XKR9: variants seen among roughly 807,000 people sequenced by gnomAD.
XKR9 encodes XK-related protein 9.
Under a neutral mutation model 32.0 loss-of-function variants are expected in XKR9, and 32 were observed. The observed-to-expected ratio is 1.00, with a 90% CI of 0.76 to 1.34. The LOEUF (loss-of-function observed/expected upper bound fraction) is 1.34, where lower values mean the gene tolerates loss of function less well. XKR9 is among the 40% of genes most tolerant of loss of function. XKR9 has a pLI of 0.00. For synonymous variants in XKR9, 168 were observed against 143.4 expected, an observed-to-expected ratio of 1.17 and a Z score of -1.22; for missense variants, 546 against 429.7, an observed-to-expected ratio of 1.27 and a Z score of -2.39.
At position 70,735,147 on chromosome 8, in the gene XKR9, T is replaced by G. The variant is rs1806823156; in HGVS notation, c.*723T>G. 6.6e-6 allele frequency: 1 copy of G among 152,052 alleles called. No individual in the cohort carries two copies. Among genetic ancestry groups the G allele is most frequent in the Non-Finnish European group, 1.5e-5 (1 of 68,014 alleles). 9.4% of individuals were successfully genotyped at this position (152,052 alleles called of 1,614,324 possible). A position where few individuals can be genotyped will look rare whatever the true frequency, so the allele number is the denominator to read the frequency against. On this transcript the variant is annotated 3_prime_UTR_variant, in exon 5 of 5. Coordinates refer to ENST00000408926, the MANE Select transcript of XKR9 (RefSeq NM_001011720.2). ...ATAAAATTTACCATCTTAATCACTT[T>G]GAGTGTACAGTTCATCAGTGTTAAC...
the XKR9 span, among the ~76,000 whole-genome samples, chr8:71,021,958 T>C: frequency 7.9e-5 from 12 of 152,240 alleles, no homozygotes; most frequent in Non-Finnish European, 1.5e-4. Flanking sequence ...AGGATTCTTA[T>C]AGTTTGAGGT....
At chr8:71,011,319 A>G in the XKR9 span, among the ~76,000 whole-genome samples, 5 of 152,208 alleles carry the variant, frequency 3.3e-5, no homozygotes, top group African/African-American at 1.2e-4. Flanking sequence ...AACTGACGCT[A>G]TTCCATGGTT....
the XKR9 span, among the ~76,000 whole-genome samples, chr8:70,827,993 T>G: frequency 6.6e-6 from 1 of 152,188 alleles, no homozygotes; most frequent in Non-Finnish European, 1.5e-5. Flanking sequence ...ATAAAACCAC[T>G]TTGGGCTTTT....
At chr8:70,770,785 G>T (rs1807443541) in intron 2 of XKR9, among the ~76,000 whole-genome samples, 1 of 152,164 alleles carries the variant, frequency 6.6e-6, no homozygotes, top group African/African-American at 2.4e-5. Context: ...GAGTGTCCCA[G>T]GTGGACTTCA....
Position 70,734,994 on chromosome 8 carries a change from T to C in XKR9, c.*570T>C, listed in dbSNP as rs1806817617. ...GGTCTGACATTTCATTATTTACTTA[T>C]TTCCTAGCTTTTCTGAATTAATGCA... is the stretch of plus-strand genomic sequence containing the variant. On this transcript the variant is annotated 3_prime_UTR_variant, in exon 5 of 5. Transcript: ENST00000408926. 3 of 152,262 alleles carry C rather than the reference T, an allele frequency of 2.0e-5. No individual in the cohort carries two copies. The highest frequency in any genetic ancestry group is 2.0e-4 in the Admixed American group (3 of 15,268). 9.4% of individuals were successfully genotyped at this position (152,262 alleles called of 1,614,324 possible). A position where few individuals can be genotyped will look rare whatever the true frequency, so the allele number is the denominator to read the frequency against.
intron 3 of XKR9, among the ~76,000 whole-genome samples, chr8:70,681,898 G>A (rs576497332): frequency 6.6e-6 from 1 of 152,074 alleles, no homozygotes; most frequent in East Asian, 1.9e-4. Context: ...TACTTTAAGT[G>A]ATTCTACTTT....
chr8:70,943,571 A>C, the XKR9 span, among the ~76,000 whole-genome samples: 1 of 152,132 alleles, frequency 6.6e-6, no homozygotes, highest in Non-Finnish European at 1.5e-5. Flanking sequence ...CCAAATGCCT[A>C]AAGATTTTTT....
At chr8:70,880,581 C>T in the XKR9 span, among the ~76,000 whole-genome samples, 13 of 152,136 alleles carry the variant, frequency 8.5e-5, no homozygotes, top group Admixed American at 7.9e-4. Context: ...TGAAGGACCT[C>T]TTCAGGAGAA....
the XKR9 span, among the ~76,000 whole-genome samples, chr8:70,890,082 CTGT>C: frequency 7.9e-4 from 120 of 152,008 alleles, no homozygotes; most frequent in African/African-American, 2.8e-3. Flanking sequence ...TCACCAGTAT[CTGT>C]TGTTTTTTGA....
chr8:70,738,967 C>T (rs1366537960), downstream of XKR9, among the ~76,000 whole-genome samples: 2 of 152,106 alleles, frequency 1.3e-5, no homozygotes, highest in African/African-American at 2.4e-5. Context: ...GTGGAGAGTT[C>T]TGTAGATGTC....
chr8:70,716,929 T>C (rs983296464), intron 4 of XKR9, among the ~76,000 whole-genome samples: 1 of 152,138 alleles, frequency 6.6e-6, no homozygotes, highest in Non-Finnish European at 1.5e-5. Context: ...ATTGAGTAAA[T>C]ACACCCATTC....
At chr8:70,908,246 G>A in the XKR9 span, among the ~76,000 whole-genome samples, 444 of 152,218 alleles carry the variant, frequency 2.9e-3, 1 homozygote, top group Non-Finnish European at 5.2e-3. Context: ...ACAATGTGAG[G>A]TACTGAGTAT....
chr8:70,961,530 A>G, the XKR9 span, among the ~76,000 whole-genome samples: 4 of 152,254 alleles, frequency 2.6e-5, no homozygotes, highest in Non-Finnish European at 4.4e-5. Flanking sequence ...TTTTTTGTCT[A>G]TTGCCTGAAA....
chr8:70,869,868 T>C, the XKR9 span, among the ~76,000 whole-genome samples: 1 of 152,188 alleles, frequency 6.6e-6, no homozygotes, highest in Non-Finnish European at 1.5e-5. Context: ...GCAAGTGTGG[T>C]CTGAAAGCAG....
chr8:71,033,580 G>A, the XKR9 span, among the ~76,000 whole-genome samples: 1 of 152,116 alleles, frequency 6.6e-6, no homozygotes, highest in African/African-American at 2.4e-5. Flanking sequence ...GGGTCATTGA[G>A]GTGGATCCCT....
At chr8:70,712,777 T>C (rs1169461902) in intron 4 of XKR9, among the ~76,000 whole-genome samples, 1 of 152,180 alleles carries the variant, frequency 6.6e-6, no homozygotes, top group Non-Finnish European at 1.5e-5. Flanking sequence ...GAATATAGTT[T>C]AGAGTGATTC....
chr8:70,733,730 G>C lies in XKR9; in HGVS notation c.494-66G>C, dbSNP rs529305138. 4 of 1,364,880 alleles carry C rather than the reference G, an allele frequency of 2.9e-6. No homozygotes were observed. In the African/African-American group the frequency reaches 5.9e-5, roughly 20 times the overall value. 84.5% of individuals were successfully genotyped at this position (1,364,880 alleles called of 1,614,324 possible). A position where few individuals can be genotyped will look rare whatever the true frequency, so the allele number is the denominator to read the frequency against. ...TGTGTATATAGATATAGCATGTATG[G>C]GATATAGTAATCTAATATTTCTATT... is the stretch of plus-strand genomic sequence containing the variant. On this transcript the variant is annotated intron_variant, in intron 4 of 4. Coordinates refer to ENST00000408926, the MANE Select transcript of XKR9 (RefSeq NM_001011720.2).
the XKR9 span, among the ~76,000 whole-genome samples, chr8:70,894,477 T>C: frequency 1.3e-4 from 20 of 152,250 alleles, no homozygotes; most frequent in African/African-American, 4.8e-4. Flanking sequence ...TAATGTACTG[T>C]GTCACCTCAG....
chr8:70,885,280 A>G, the XKR9 span, among the ~76,000 whole-genome samples: 1 of 152,176 alleles, frequency 6.6e-6, no homozygotes, highest in African/African-American at 2.4e-5. Context: ...TTAGTATTCT[A>G]TTGTATGGAT....
Sources: gnomAD v4.1 joint callset for allele counts (sites outside exome capture counted in the v4.1 genomes callset) on GRCh38, gnomAD v4.1.1 for gene constraint, MANE v1.5 for transcripts, NCBI Gene and HGNC (gene_info 2026-07-23, HGNC 2026-07-21) for gene names.